VRK2: variants seen among roughly 807,000 people sequenced by gnomAD.
VRK2 encodes the protein serine/threonine-protein kinase VRK2.
A neutral mutation model predicts 57.6 loss-of-function variants in VRK2; 60 were observed. That is an observed-to-expected ratio of 1.04 (90% CI 0.85 to 1.29). The LOEUF is 1.29. Ranked by LOEUF, VRK2 falls within the 50% of genes most tolerant of loss-of-function variation. VRK2 has a pLI of 0.00. For missense variants in VRK2, 705 were observed against 588.1 expected (o/e 1.20, Z -2.06); for synonymous variants, 231 against 199.2 (o/e 1.16, Z -1.35).
intron 7 of VRK2, among the ~76,000 whole-genome samples, chr2:58,093,981 G>C (rs1156599949): frequency 6.6e-6 from 1 of 152,154 alleles, no homozygotes; most frequent in Non-Finnish European, 1.5e-5. Flanking sequence ...TTGTAGATGT[G>C]TGATATTATT....
chr2:58,067,629 A>C (rs1449763822), intron 2 of VRK2, among the ~76,000 whole-genome samples: 2 of 151,354 alleles, frequency 1.3e-5, no homozygotes, highest in African/African-American at 4.9e-5. Flanking sequence ...TTTCTTTATA[A>C]TTTTTTTCCA....
intron 3 of VRK2, among the ~76,000 whole-genome samples, chr2:58,035,904 A>T (rs1674259744): frequency 6.6e-6 from 1 of 152,074 alleles, no homozygotes; most frequent in African/African-American, 2.4e-5. Context: ...TGTCCTCAAA[A>T]TAGAGTTGTT....
At chr2:58,076,305 C>G (rs1159789784) in intron 2 of VRK2, among the ~76,000 whole-genome samples, 3 of 151,944 alleles carry the variant, frequency 2.0e-5, no homozygotes, top group African/African-American at 4.8e-5. Flanking sequence ...ATAGTTTACC[C>G]TAGCCTACCT....
chr2:58,136,857 AT>A (rs1680137753), intron 10 of VRK2, among the ~76,000 whole-genome samples: 1 of 114,250 alleles, frequency 8.8e-6, no homozygotes, highest in African/African-American at 4.7e-5. Flanking sequence ...TATCATATAT[AT>A]GTGTATATAT....
intron 1 of VRK2, among the ~76,000 whole-genome samples, chr2:58,014,017 T>C (rs1321385527): frequency 6.6e-6 from 1 of 152,162 alleles, no homozygotes; most frequent in Non-Finnish European, 1.5e-5. Context: ...CAGGAGATAA[T>C]AGAAATATCA....
chr2:58,032,288 T>C (rs932095474), intron 2 of VRK2, among the ~76,000 whole-genome samples: 2 of 152,092 alleles, frequency 1.3e-5, no homozygotes, highest in African/African-American at 4.8e-5. Flanking sequence ...TACCATAGAC[T>C]GGGTAGCTTT....
intron 2 of VRK2, among the ~76,000 whole-genome samples, chr2:58,062,138 GTTA>G (rs1186364835): frequency 2.6e-5 from 4 of 151,872 alleles, no homozygotes; most frequent in African/African-American, 9.7e-5. Flanking sequence ...AAACTTTTTT[GTTA>G]TTATATCTGT....
intron 5 of VRK2, among the ~76,000 whole-genome samples, chr2:58,086,907 C>T (rs1671702369): frequency 6.6e-6 from 1 of 152,126 alleles, no homozygotes; most frequent in African/African-American, 2.4e-5. Flanking sequence ...TTTTTGTAAT[C>T]TAATCTTAAA....
At chr2:57,987,219 A>G (rs1364527513) in intron 1 of VRK2, among the ~76,000 whole-genome samples, 1 of 152,154 alleles carries the variant, frequency 6.6e-6, no homozygotes, top group Non-Finnish European at 1.5e-5. Context: ...TAATAAAACA[A>G]CAAACCACAA....
intron 1 of VRK2, among the ~76,000 whole-genome samples, chr2:57,964,335 C>T (rs138213502): frequency 8.5e-5 from 13 of 152,062 alleles, no homozygotes; most frequent in South Asian, 2.1e-4. Flanking sequence ...ATTCGTTCAG[C>T]GAACATGGAT....
intron 12 of VRK2, among the ~76,000 whole-genome samples, chr2:58,147,836 G>T (rs1682397810): frequency 7.0e-6 from 1 of 143,638 alleles, no homozygotes; most frequent in South Asian, 2.2e-4. Context: ...CCATGTTCAT[G>T]CATGTATTAG....
At chr2:58,090,233 T>A (rs1672178132) in intron 7 of VRK2, among the ~76,000 whole-genome samples, 2 of 151,854 alleles carry the variant, frequency 1.3e-5, no homozygotes, top group African/African-American at 4.8e-5. Flanking sequence ...CTGTCTCTAC[T>A]AAAAATACAA....
At chr2:58,086,607 G>A (rs1376270341) in intron 5 of VRK2, among the ~76,000 whole-genome samples, 181 bp downstream of exon 5, 4 of 152,140 alleles carry the variant, frequency 2.6e-5, no homozygotes, top group South Asian at 2.1e-4. Flanking sequence ...TTCTAGATCA[G>A]GATCTCTAAT....
chr2:58,064,457 A>G (rs1162093396), intron 2 of VRK2, among the ~76,000 whole-genome samples: 2 of 152,148 alleles, frequency 1.3e-5, no homozygotes, highest in Admixed American at 1.3e-4. Flanking sequence ...GATGATTGCT[A>G]AAATTTTTTT....
intron 1 of VRK2, among the ~76,000 whole-genome samples, chr2:57,909,490 T>A (rs894226059): frequency 2.1e-4 from 32 of 151,716 alleles, no homozygotes; most frequent in African/African-American, 7.5e-4. Context: ...TTTTTTTAGT[T>A]CTCAAAAGGA....
intron 1 of VRK2, among the ~76,000 whole-genome samples, chr2:58,018,622 C>T (rs564442663): frequency 6.6e-6 from 1 of 152,284 alleles, no homozygotes; most frequent in Admixed American, 6.5e-5. Flanking sequence ...ATACATCTGA[C>T]TCCTCTAATT....
chr2:58,063,325 G>A (rs1677644862), intron 2 of VRK2, among the ~76,000 whole-genome samples: 1 of 151,172 alleles, frequency 6.6e-6, no homozygotes, highest in Non-Finnish European at 1.5e-5. Context: ...GAAGAAGTGG[G>A]TTAAAGGGTA....
At chr2:58,147,335 A>C (rs1682319324) in intron 12 of VRK2, among the ~76,000 whole-genome samples, 1 of 151,968 alleles carries the variant, frequency 6.6e-6, no homozygotes, top group Non-Finnish European at 1.5e-5. Flanking sequence ...GCAATCTTTT[A>C]CATTCTTTCG....
intron 1 of VRK2, among the ~76,000 whole-genome samples, chr2:57,920,741 C>G (rs1361319168): frequency 1.3e-5 from 2 of 152,054 alleles, no homozygotes; most frequent in Non-Finnish European, 2.9e-5. Flanking sequence ...ACACCTACTA[C>G]TTTCAGTACC....
Sources: gnomAD v4.1 joint callset for allele counts (sites outside exome capture counted in the v4.1 genomes callset) on GRCh38, gnomAD v4.1.1 for gene constraint, MANE v1.5 for transcripts, NCBI Gene and HGNC (gene_info 2026-07-23, HGNC 2026-07-21) for gene names.